The following AFAP1L1 variants were observed in gnomAD, a reference collection of about 807,000 sequenced individuals.
The protein encoded by AFAP1L1 is actin filament-associated protein 1-like 1.
Under a neutral mutation model 99.8 loss-of-function variants are expected in AFAP1L1, and 77 were observed. The observed-to-expected ratio is 0.77, with a 90% CI of 0.64 to 0.93. The LOEUF (loss-of-function observed/expected upper bound fraction) is 0.93, where lower values mean the gene tolerates loss of function less well. Ranked by LOEUF, AFAP1L1 falls within the 40% of genes least tolerant of loss-of-function variation. The pLI, the probability that AFAP1L1 is intolerant of heterozygous loss-of-function variation, is 0.00. For synonymous variants in AFAP1L1, 373 were observed against 395.3 expected (o/e 0.94, Z 0.67); for missense variants, 893 against 996.8 (o/e 0.90, Z 1.40).
chr5:149,340,535 A>C lies in AFAP1L1; in HGVS notation c.*505A>C, dbSNP rs1757533345. 1 of 155,526 alleles carries C rather than the reference A, an allele frequency of 6.4e-6. No individual in the cohort carries two copies. Among genetic ancestry groups the C allele is most frequent in the African/African-American group, 2.4e-5 (1 of 41,546 alleles). 9.6% of individuals were successfully genotyped at this position (155,526 alleles called of 1,614,324 possible). A position where few individuals can be genotyped will look rare whatever the true frequency, so the allele number is the denominator to read the frequency against. ...CTAACAACCCCTGGTCAAGGTAAAT[A>C]GGTTGAACAATCAATAACATTATCC... On this transcript the variant is annotated 3_prime_UTR_variant, in exon 19 of 19. Coordinates refer to ENST00000296721, the MANE Select transcript of AFAP1L1 (RefSeq NM_152406.4).
At chr5:149,314,938 C>A (rs1412736453) in intron 9 of AFAP1L1, among the ~76,000 whole-genome samples, 1 of 152,212 alleles carries the variant, frequency 6.6e-6, no homozygotes, top group African/African-American at 2.4e-5. Flanking sequence ...AGAAATGATA[C>A]AGTCCATGGG....
intron 12 of AFAP1L1, among the ~76,000 whole-genome samples, chr5:149,319,247 T>A (rs528091015): frequency 1.6e-4 from 24 of 152,264 alleles, no homozygotes; most frequent in Admixed American, 7.8e-4. Context: ...AAATATTTTT[T>A]AAAAAATTCA....
chr5:149,341,526 G>C lies in AFAP1L1; in HGVS notation c.*1496G>C, dbSNP rs1757560376. On this transcript the variant is annotated 3_prime_UTR_variant, in exon 19 of 19. Coordinates refer to ENST00000296721, the MANE Select transcript of AFAP1L1 (RefSeq NM_152406.4). The stretch of plus-strand genomic sequence containing the variant: ...GTTACTTTTCTCCCAAGATTGTTGG[G>C]AAGATTTAATAAGATAATATATAGT... 6.6e-6 allele frequency: 1 copy of C among 152,162 alleles called. No individual in the cohort carries two copies. The highest frequency in any genetic ancestry group is 6.5e-5 in the Admixed American group (1 of 15,276). 9.4% of individuals were successfully genotyped at this position (152,162 alleles called of 1,614,324 possible).
intron 17 of AFAP1L1, among the ~76,000 whole-genome samples, chr5:149,334,749 T>TA (rs996012512): frequency 1.3e-5 from 2 of 151,896 alleles, no homozygotes; most frequent in African/African-American, 2.4e-5. Flanking sequence ...CCATCTCTAC[T>TA]AAAAACGCAA....
intron 1 of AFAP1L1, among the ~76,000 whole-genome samples, chr5:149,288,681 G>A (rs917310343): frequency 6.6e-6 from 1 of 152,206 alleles, no homozygotes; most frequent in South Asian, 2.1e-4. Context: ...GAACAATTCT[G>A]GGAGAGCCCA....
rs1308739481 is a variant in AFAP1L1, at chr5:149,286,301, G to T, written c.17-13208G>T. Reference sequence around the variant, plus strand: ...CAGATGTGGAAACAGACACAGAGAAGTCACTTGCCCAATGTCACACAGCTA... The same window carrying T: ...CAGATGTGGAAACAGACACAGAGAATTCACTTGCCCAATGTCACACAGCTA... On this transcript the variant is annotated intron_variant, in intron 1 of 18. Transcript: ENST00000296721. 2.6e-5 allele frequency among the ~76,000 whole-genome samples: 4 copies of T among 152,160 alleles called. No homozygotes were observed. In the South Asian group the frequency reaches 8.3e-4, roughly 32 times the overall value.
At chr5:149,286,476 T>C (rs2127590642) in intron 1 of AFAP1L1, among the ~76,000 whole-genome samples, 1 of 152,250 alleles carries the variant, frequency 6.6e-6, no homozygotes, top group South Asian at 2.1e-4. Context: ...AACCACATAC[T>C]CCTATTAGTG....
chr5:149,282,074 A>G (rs759346504), intron 1 of AFAP1L1, among the ~76,000 whole-genome samples: 2 of 152,128 alleles, frequency 1.3e-5, no homozygotes, highest in Non-Finnish European at 2.9e-5. Flanking sequence ...TCCATCTACA[A>G]TTCCATTCGG....
intron 1 of AFAP1L1, among the ~76,000 whole-genome samples, chr5:149,291,335 T>A (rs1755846906): frequency 6.6e-6 from 1 of 151,868 alleles, no homozygotes. Context: ...GACACCATCC[T>A]GGCCAACATG....
At chr5:149,292,261 C>T (rs1465539335) in intron 1 of AFAP1L1, among the ~76,000 whole-genome samples, 1 of 152,192 alleles carries the variant, frequency 6.6e-6, no homozygotes, top group Non-Finnish European at 1.5e-5. Flanking sequence ...ATTATCTTTG[C>T]GATCTCTAAA....
In AFAP1L1 at chr5:149,271,955, A is replaced by G. The variant is rs879263531; in HGVS notation, c.-14A>G. ...GCGCCCTGCGGCCCGCTCCCCGGGG[A>G]CCGGGCCGGCGCCATGGACCGAGGC... is the stretch of plus-strand genomic sequence containing the variant. On this transcript the variant is annotated 5_prime_UTR_variant, in exon 1 of 19. Coordinates refer to ENST00000296721, the MANE Select transcript of AFAP1L1 (RefSeq NM_152406.4). The G allele has an allele frequency of 8.2e-7, 1 of 1,224,094 alleles. No individual in the cohort carries two copies. Among genetic ancestry groups the G allele is most frequent in the Non-Finnish European group, 1.0e-6 (1 of 982,256 alleles). The allele number at this position is 1,224,094 out of a possible 1,614,324, so 75.8% of individuals were successfully genotyped here. A position where few individuals can be genotyped will look rare whatever the true frequency, so the allele number is the denominator to read the frequency against.
intron 4 of AFAP1L1, 123 bp from the exon 5 acceptor site, chr5:149,302,294 TA>T: frequency 1.6e-6 from 1 of 614,240 alleles, no homozygotes; most frequent in Non-Finnish European, 2.7e-6. Flanking sequence ...TGTGGCTCTA[TA>T]AAAGGTATGG....
At position 149,340,311 on chromosome 5, in the gene AFAP1L1, T is replaced by C; in HGVS notation, c.*281T>C. ...TGCACAGCTGTAAAGGTTTTATAGA[T>C]GTCTTTGCCTTCCCTTCTGAGGAAG... is the stretch of plus-strand genomic sequence containing the variant. On this transcript the variant is annotated 3_prime_UTR_variant, in exon 19 of 19. Transcript: ENST00000296721. The C allele has an allele frequency of 5.5e-6, 2 of 364,104 alleles. No homozygotes were observed. The highest frequency in any genetic ancestry group is 1.0e-5 in the Non-Finnish European group (2 of 195,536). The allele number at this position is 364,104 out of a possible 1,614,324, so 22.6% of individuals were successfully genotyped here. A position where few individuals can be genotyped will look rare whatever the true frequency, so the allele number is the denominator to read the frequency against.
intron 1 of AFAP1L1, among the ~76,000 whole-genome samples, chr5:149,286,136 G>A (rs1019547877): frequency 1.3e-5 from 2 of 152,290 alleles, no homozygotes; most frequent in African/African-American, 4.8e-5. Context: ...CACTTTCTGG[G>A]GTGTGGGGGA....
chr5:149,296,843 G>A (rs1340724014), intron 1 of AFAP1L1, among the ~76,000 whole-genome samples: 1 of 152,174 alleles, frequency 6.6e-6, no homozygotes, highest in South Asian at 2.1e-4. Context: ...GGCTGGGGAG[G>A]CCTCAGGAAA....
rs775087158 is a variant in AFAP1L1, at chr5:149,302,458, C to CT, written c.369dup (p.Glu124Ter). Reference sequence around the variant, plus strand: ...CCACCGCTCCCCAACAAGCCTCCCCCTGAGGACTACTATGAAGAGGCCCTT... The same window carrying CT: ...CCACCGCTCCCCAACAAGCCTCCCCCTTGAGGACTACTATGAAGAGGCCCTT... On this transcript the variant is annotated frameshift_variant, in exon 5 of 19. Coordinates refer to ENST00000296721, the MANE Select transcript of AFAP1L1 (RefSeq NM_152406.4). LOFTEE classifies it high-confidence loss of function. 2 of 1,596,734 alleles carry CT rather than the reference C, an allele frequency of 1.3e-6. No homozygotes were observed.
chr5:149,282,359 T>TC (rs148544249), intron 1 of AFAP1L1, among the ~76,000 whole-genome samples: 9,250 of 152,218 alleles, frequency 0.061, 291 homozygotes, highest in Middle Eastern at 0.11. Flanking sequence ...AACCATGTAG[T>TC]CCCCAGATGC....
In AFAP1L1 at chr5:149,295,240, A is replaced by T. The variant is rs184145275; in HGVS notation, c.17-4269A>T. ...CCTTTGGTCTGTTTGAACTTTGGTG[A>T]TCAAATCTCAGTTAAAGGAAGAGCA... On this transcript the variant is annotated intron_variant, in intron 1 of 18. Coordinates refer to ENST00000296721, the MANE Select transcript of AFAP1L1 (RefSeq NM_152406.4). Among the ~76,000 whole-genome samples, 244 of 152,290 alleles carry T rather than the reference A, an allele frequency of 1.6e-3. 1 individual carries two copies. Among genetic ancestry groups the T allele is most frequent in the Admixed American group, 0.015 (226 of 15,306 alleles).
At chr5:149,328,946 A>T (rs544744354) in intron 15 of AFAP1L1, among the ~76,000 whole-genome samples, 1 of 152,276 alleles carries the variant, frequency 6.6e-6, no homozygotes, top group East Asian at 1.9e-4. Context: ...TGTCCATCAT[A>T]GTGTTGAACC....
Sources: allele counts gnomAD v4.1 joint callset (sites outside exome capture counted in the v4.1 genomes callset), GRCh38; gene constraint gnomAD v4.1.1; transcripts MANE v1.5; gene names NCBI Gene and HGNC (gene_info 2026-07-23, HGNC 2026-07-21).